The following PHACTR1 variants were observed in gnomAD, a reference collection of about 807,000 sequenced individuals.
The protein encoded by PHACTR1 is RPEL repeat containing 1.
In PHACTR1, 16 loss-of-function variants were observed where a neutral mutation model predicts 69.2. That is an observed-to-expected ratio of 0.23 (90% CI 0.16 to 0.35). The LOEUF is 0.35. PHACTR1 is among the 10% of genes least tolerant of loss of function. The pLI, the probability that PHACTR1 is intolerant of heterozygous loss-of-function variation, is 1.00. For missense variants in PHACTR1, 510 were observed against 734.7 expected, an observed-to-expected ratio of 0.69 and a Z score of 3.54; for synonymous variants, 312 against 284.5, an observed-to-expected ratio of 1.10 and a Z score of -0.97.
chr6:13,187,522 A>T (rs752551922), intron 7 of PHACTR1, among the ~76,000 whole-genome samples: 1 of 152,222 alleles, frequency 6.6e-6, no homozygotes, highest in Non-Finnish European at 1.5e-5. Flanking sequence ...AGAAAAAGGC[A>T]TAAAAAGATT....
At chr6:13,077,858 A>G (rs1216203912) in intron 5 of PHACTR1, among the ~76,000 whole-genome samples, 2 of 152,156 alleles carry the variant, frequency 1.3e-5, no homozygotes, top group African/African-American at 4.8e-5. Flanking sequence ...GCGAGACAAA[A>G]TATCGGGGTG....
intron 7 of PHACTR1, among the ~76,000 whole-genome samples, chr6:13,198,977 T>C (rs73725622): frequency 0.085 from 12,894 of 152,268 alleles, 1,238 homozygotes; most frequent in East Asian, 0.54. Flanking sequence ...TGGGAGTTTG[T>C]TTACAAAGCA....
chr6:13,216,505 G>A (rs1767699146), intron 8 of PHACTR1, among the ~76,000 whole-genome samples: 1 of 152,134 alleles, frequency 6.6e-6, no homozygotes, highest in Admixed American at 6.5e-5. Context: ...GTAGTTCCGT[G>A]TTTCTTCATG....
At chr6:13,024,747 A>G (rs746606605) in intron 4 of PHACTR1, among the ~76,000 whole-genome samples, 3 of 152,164 alleles carry the variant, frequency 2.0e-5, no homozygotes, top group Non-Finnish European at 4.4e-5. Flanking sequence ...GTAAAACTCA[A>G]TACAAAAGAA....
chr6:12,720,353 A>G (rs1761951218), intron 3 of PHACTR1, among the ~76,000 whole-genome samples: 1 of 152,228 alleles, frequency 6.6e-6, no homozygotes, highest in Non-Finnish European at 1.5e-5. Context: ...GAGAATAAAG[A>G]TGCCCATTTT....
chr6:13,126,317 G>A (rs1408359075), intron 5 of PHACTR1, among the ~76,000 whole-genome samples: 3 of 152,134 alleles, frequency 2.0e-5, no homozygotes, highest in African/African-American at 7.2e-5. Flanking sequence ...AGAAAGAGAA[G>A]GGCAGGAAAG....
intron 6 of PHACTR1, among the ~76,000 whole-genome samples, chr6:13,176,502 G>A (rs773518543): frequency 6.6e-6 from 1 of 152,128 alleles, no homozygotes; most frequent in East Asian, 1.9e-4. Flanking sequence ...ACTTGGAAGA[G>A]TATGTTCTTT....
At chr6:12,747,645 A>G (rs1299953512) in intron 3 of PHACTR1, among the ~76,000 whole-genome samples, 2 of 152,140 alleles carry the variant, frequency 1.3e-5, no homozygotes, top group African/African-American at 2.4e-5. Context: ...CCAGTCTCAA[A>G]ACAAACAAAA....
intron 4 of PHACTR1, among the ~76,000 whole-genome samples, chr6:12,797,693 C>A (rs1212440130): frequency 6.6e-6 from 1 of 152,152 alleles, no homozygotes; most frequent in Non-Finnish European, 1.5e-5. Flanking sequence ...TATTCCTGGA[C>A]ACCTCTCTTC....
chr6:12,917,494 T>G (rs570660429), intron 4 of PHACTR1, among the ~76,000 whole-genome samples: 32 of 152,308 alleles, frequency 2.1e-4, no homozygotes, highest in South Asian at 4.1e-4. Context: ...GGCTCACACC[T>G]ATAATCCCAG....
chr6:13,184,959 G>A lies in PHACTR1; in HGVS notation c.664+2273G>A, dbSNP rs771937445. 114 of 1,366,384 alleles carry A rather than the reference G, an allele frequency of 8.3e-5. No individual in the cohort carries two copies. In the Admixed American group the frequency reaches 1.9e-3, roughly 23 times the overall value. The allele number at this position is 1,366,384 out of a possible 1,614,324, so 84.6% of individuals were successfully genotyped here. On this transcript the variant is annotated intron_variant, in intron 7 of 14. Transcript: ENST00000332995. Reference sequence around the variant, plus strand: ...AGCTGCCCCTTCTCAAGCAGCCCCCGGCCCTGCCTCCCAAACCCACTACCA... The same window carrying A: ...AGCTGCCCCTTCTCAAGCAGCCCCCAGCCCTGCCTCCCAAACCCACTACCA...
chr6:13,075,068 G>A (rs560369232), intron 5 of PHACTR1, among the ~76,000 whole-genome samples: 1 of 152,242 alleles, frequency 6.6e-6, no homozygotes, highest in East Asian at 1.9e-4. Flanking sequence ...TGTATGCGTT[G>A]CTTTTATAAA....
Position 12,992,194 on chromosome 6 carries a change from A to G in PHACTR1, c.251-61171A>G, listed in dbSNP as rs997785170. Among the ~76,000 whole-genome samples, 5 of 152,178 alleles carry G rather than the reference A, an allele frequency of 3.3e-5. 1 individual carries two copies. Among genetic ancestry groups the G allele is most frequent in the Middle Eastern group, 6.3e-3 (2 of 316 alleles). On this transcript the variant is annotated intron_variant, in intron 4 of 14. Coordinates refer to ENST00000332995, the MANE Select transcript of PHACTR1 (RefSeq NM_030948.6). ...TGATAAATGTTGAAGGAGAAATCAG[A>G]GTTTCCTCCTCTTACACTGTAAATA...
chr6:13,051,914 C>T (rs1355462871), intron 4 of PHACTR1, among the ~76,000 whole-genome samples: 1 of 152,090 alleles, frequency 6.6e-6, no homozygotes, highest in African/African-American at 2.4e-5. Context: ...AGAGGAGCTC[C>T]CAGTGCACTG....
intron 4 of PHACTR1, among the ~76,000 whole-genome samples, chr6:12,824,088 T>C (rs577782987): frequency 3.4e-4 from 52 of 152,324 alleles, no homozygotes; most frequent in African/African-American, 9.1e-4. Flanking sequence ...CCCCATCGCT[T>C]GCATTACTGC....
At chr6:13,081,768 A>C (rs1811412011) in intron 5 of PHACTR1, among the ~76,000 whole-genome samples, 1 of 152,208 alleles carries the variant, frequency 6.6e-6, no homozygotes, top group South Asian at 2.1e-4. Context: ...TTGAGACTGC[A>C]GTAGGCTATG....
At chr6:13,166,017 T>C (rs1180661191) in intron 6 of PHACTR1, among the ~76,000 whole-genome samples, 2 of 152,186 alleles carry the variant, frequency 1.3e-5, no homozygotes, top group African/African-American at 4.8e-5. Flanking sequence ...CCCCTAACTT[T>C]CGTTTTCACT....
intron 5 of PHACTR1, among the ~76,000 whole-genome samples, chr6:13,113,704 A>T (rs1379637948): frequency 6.6e-6 from 1 of 152,178 alleles, no homozygotes; most frequent in African/African-American, 2.4e-5. Context: ...AAAACAAGAC[A>T]AGACTCCCAG....
At chr6:13,120,034 A>G (rs532603535) in intron 5 of PHACTR1, among the ~76,000 whole-genome samples, 1 of 152,222 alleles carries the variant, frequency 6.6e-6, no homozygotes, top group East Asian at 1.9e-4. Context: ...GAAGGGGCCC[A>G]TGGACACATG....
Sources: allele counts gnomAD v4.1 joint callset (sites outside exome capture counted in the v4.1 genomes callset), GRCh38; gene constraint gnomAD v4.1.1; transcripts MANE v1.5; gene names NCBI Gene and HGNC (gene_info 2026-07-23, HGNC 2026-07-21).